STK39: variants seen among roughly 807,000 people sequenced by gnomAD.
STK39 encodes the protein serine/threonine kinase 39, also known as STE20/SPS1-related proline-alanine-rich protein kinase.
STK39 carries 20 observed loss-of-function variants against 77.8 expected under a neutral mutation model. That is an observed-to-expected ratio of 0.26 (90% confidence interval 0.18 to 0.37). STK39 has a LOEUF of 0.37. Among genes scored for constraint, STK39 ranks in the 10% least tolerant of loss-of-function variants. The probability of loss-of-function intolerance (pLI) is 1.00; values close to 1 mark genes in which losing one functional copy is unlikely to be tolerated. For missense variants in STK39, 479 were observed against 656.5 expected (o/e 0.73, Z 2.95); for synonymous variants, 246 against 234.1 (o/e 1.05, Z -0.47).
At chr2:168,130,667 G>T (rs912843491) in intron 8 of STK39, among the ~76,000 whole-genome samples, 1 of 152,218 alleles carries the variant, frequency 6.6e-6, no homozygotes, top group African/African-American at 2.4e-5. Flanking sequence ...TCTGCTAATT[G>T]TGTTCATATC....
At chr2:168,038,617 T>C (rs915832553) in intron 14 of STK39, among the ~76,000 whole-genome samples, 2 of 152,224 alleles carry the variant, frequency 1.3e-5, no homozygotes. Context: ...AAAGATACCA[T>C]TAAGAAACCA....
At position 168,132,244 on chromosome 2, in the gene STK39, T is replaced by C. The variant is rs115578801; in HGVS notation, c.975-2486A>G. Among the ~76,000 whole-genome samples the C allele has an allele frequency of 5.5e-3, 838 of 152,278 alleles. 7 individuals are homozygous for C. The highest frequency in any genetic ancestry group is 0.019 in the African/African-American group (801 of 41,552). ...AAGAACCCTAAGAAAATCAGAATGA[T>C]GAAAAAACTCAAGGCCCTGGTTCTG... On this transcript the variant is annotated intron_variant, in intron 8 of 17. Transcript: ENST00000355999.
rs114522746 is a variant in STK39, at chr2:168,021,621, T to C, written c.1377-4526A>G. ...AGTCTGAGCAACTTTATAGAGGAAA[T>C]GATAAAAACTTGAGAGTAACAGTTT... On this transcript the variant is annotated intron_variant, in intron 14 of 17. Transcript: ENST00000355999. 3.6e-3 allele frequency among the ~76,000 whole-genome samples: 547 copies of C among 152,210 alleles called. 8 individuals carry two copies. The highest frequency in any genetic ancestry group is 0.013 in the African/African-American group (525 of 41,542).
At chr2:168,206,544 G>T (rs998415716) in intron 1 of STK39, among the ~76,000 whole-genome samples, 17 of 152,148 alleles carry the variant, frequency 1.1e-4, no homozygotes, top group African/African-American at 4.1e-4. Flanking sequence ...CAGGTGATCT[G>T]CCTGCCTCGG....
intron 1 of STK39, among the ~76,000 whole-genome samples, chr2:168,212,753 C>G (rs1054069944): frequency 6.6e-6 from 1 of 152,182 alleles, no homozygotes; most frequent in South Asian, 2.1e-4. Context: ...AAGACACTGT[C>G]CTTACAACAC....
intron 14 of STK39, among the ~76,000 whole-genome samples, chr2:168,037,972 G>A (rs192084234): frequency 3.9e-5 from 6 of 152,202 alleles, no homozygotes; most frequent in Admixed American, 1.3e-4. Flanking sequence ...AGACTTAAAA[G>A]AAAAGGCAGA....
At chr2:168,009,277 A>G (rs182358857) in intron 16 of STK39, among the ~76,000 whole-genome samples, 2 of 152,270 alleles carry the variant, frequency 1.3e-5, no homozygotes, top group African/African-American at 4.8e-5. Context: ...ATAGATGAGG[A>G]GGGAGGGAGT....
chr2:168,149,113 C>T (rs958630479), intron 5 of STK39, among the ~76,000 whole-genome samples: 7 of 152,198 alleles, frequency 4.6e-5, no homozygotes, highest in African/African-American at 1.7e-4. Context: ...TTGATATAAG[C>T]CAATAATGGC....
intron 16 of STK39, among the ~76,000 whole-genome samples, chr2:167,966,331 A>G (rs1383217589): frequency 1.3e-5 from 2 of 152,224 alleles, no homozygotes; most frequent in East Asian, 3.9e-4. Flanking sequence ...CAAAGCCAGT[A>G]TTTATCATGT....
intron 16 of STK39, among the ~76,000 whole-genome samples, chr2:167,991,453 G>T (rs1683698791): frequency 6.6e-6 from 1 of 152,166 alleles, no homozygotes; most frequent in Non-Finnish European, 1.5e-5. Flanking sequence ...GGTGGAAGAG[G>T]TCCTAGAGTT....
intron 10 of STK39, among the ~76,000 whole-genome samples, chr2:168,101,176 G>A (rs1424177144): frequency 6.6e-6 from 1 of 152,098 alleles, no homozygotes; most frequent in Non-Finnish European, 1.5e-5. Flanking sequence ...TTGGACACAG[G>A]GAGGGGAACA....
At chr2:167,968,318 C>T (rs1185476465) in intron 16 of STK39, among the ~76,000 whole-genome samples, 1 of 152,144 alleles carries the variant, frequency 6.6e-6, no homozygotes, top group Admixed American at 6.5e-5. Flanking sequence ...CATGGGATTG[C>T]TGGGTTAAAT....
intron 15 of STK39, among the ~76,000 whole-genome samples, chr2:168,013,624 G>C (rs1684326354): frequency 2.0e-5 from 3 of 152,222 alleles, no homozygotes; most frequent in African/African-American, 4.8e-5. Flanking sequence ...CTAGACGGGG[G>C]TTTGACAGAA....
At chr2:167,966,737 C>T (rs1280583562) in intron 16 of STK39, among the ~76,000 whole-genome samples, 1 of 152,310 alleles carries the variant, frequency 6.6e-6, no homozygotes, top group East Asian at 1.9e-4. Context: ...AGTTGTGAAT[C>T]TCACACCTCT....
At chr2:168,224,771 T>C (rs1383321971) in intron 1 of STK39, among the ~76,000 whole-genome samples, 1 of 152,216 alleles carries the variant, frequency 6.6e-6, no homozygotes, top group African/African-American at 2.4e-5. Context: ...CAGAAGAAAC[T>C]TTCCAACATG....
At chr2:168,058,581 CAT>C (rs1436960009) in intron 14 of STK39, among the ~76,000 whole-genome samples, 2 of 152,226 alleles carry the variant, frequency 1.3e-5, no homozygotes, top group Admixed American at 1.3e-4. Flanking sequence ...TCACGCTTAA[CAT>C]GTGCAAAACT....
At chr2:168,011,108 G>A (rs954944763) in intron 16 of STK39, among the ~76,000 whole-genome samples, 1 of 152,188 alleles carries the variant, frequency 6.6e-6, no homozygotes, top group African/African-American at 2.4e-5. Flanking sequence ...AACCAGCCTG[G>A]CCAACATGGC....
In STK39 at chr2:168,129,898, G is replaced by C. The variant is rs533834971; in HGVS notation, c.975-140C>G. The C allele has an allele frequency of 1.0e-5, 9 of 867,862 alleles. No individual in the cohort carries two copies. In the Admixed American group the frequency reaches 2.1e-4, roughly 20 times the overall value. 53.8% of individuals were successfully genotyped at this position (867,862 alleles called of 1,614,324 possible). On this transcript the variant is annotated intron_variant, in intron 8 of 17. Transcript: ENST00000355999. ...AAAACTGGGAACCAAATTAATCATA[G>C]GCTGGCACCAAATAAAATAGTGCCA...
intron 14 of STK39, among the ~76,000 whole-genome samples, chr2:168,058,322 T>G (rs1466592312): frequency 6.6e-6 from 1 of 152,210 alleles, no homozygotes; most frequent in African/African-American, 2.4e-5. Flanking sequence ...TATTTGTTTT[T>G]TAGGAACATC....
Sources: allele counts gnomAD v4.1 joint callset (sites outside exome capture counted in the v4.1 genomes callset), GRCh38; gene constraint gnomAD v4.1.1; transcripts MANE v1.5; gene names NCBI Gene and HGNC (gene_info 2026-07-23, HGNC 2026-07-21).